The following PCDHGA1 variants were observed in gnomAD, a reference collection of about 807,000 sequenced individuals.
PCDHGA1 encodes the protein protocadherin gamma-A1.
In PCDHGA1, 32 loss-of-function variants were observed where a neutral mutation model predicts 58.0. The ratio of observed to expected loss-of-function variants is 0.55; its 90% CI spans 0.42 to 0.74. The LOEUF is 0.74. Among genes scored for constraint, PCDHGA1 ranks in the 30% least tolerant of loss-of-function variants. PCDHGA1 has a pLI of 0.00. For missense variants in PCDHGA1, 1,205 were observed against 1,182.3 expected, an observed-to-expected ratio of 1.02 and a Z score of -0.28; for synonymous variants, 498 against 501.1, an observed-to-expected ratio of 0.99 and a Z score of 0.08.
intron 1 of PCDHGA1, among the ~76,000 whole-genome samples, chr5:141,369,759 G>A (rs6873480): frequency 0.13 from 19,861 of 152,140 alleles, 1,700 homozygotes; most frequent in African/African-American, 0.25. Flanking sequence ...AAGAATACAC[G>A]TGAAGCTGAT....
rs143025976 is a variant in PCDHGA1 at position 141,348,506 on chromosome 5, G to A, written c.2421+15401G>A. On this transcript the variant is annotated intron_variant, in intron 1 of 3. Coordinates refer to ENST00000517417, the MANE Select transcript of PCDHGA1 (RefSeq NM_018912.3). ...TAAGGAGAAAAAAAATTAATTAGCT[G>A]TGTCAGGGGAAATTTGGATGCTCAA... is the stretch of plus-strand genomic sequence containing the variant. 5.9e-5 allele frequency among the ~76,000 whole-genome samples: 9 copies of A among 152,260 alleles called. No individual in the cohort carries two copies. The East Asian group carries it at 1.5e-3, about 26-fold the overall frequency.
intron 1 of PCDHGA1, chr5:141,413,978 T>C (rs2095697435): frequency 1.2e-6 from 2 of 1,613,414 alleles, no homozygotes; most frequent in Non-Finnish European, 8.5e-7. Flanking sequence ...CTGCTGACAG[T>C]CACAGCCACC....
In PCDHGA1 at chr5:141,405,177, G is replaced by C. The variant is rs370032217; in HGVS notation, c.2421+72072G>C. On this transcript the variant is annotated intron_variant, in intron 1 of 3. Coordinates refer to ENST00000517417, the MANE Select transcript of PCDHGA1 (RefSeq NM_018912.3). Reference sequence around the variant, plus strand: ...GGTGTGCCCACCTCACACTTTGTGGGTGTAGATGGGGTTCGAGCTTTCCTA... The same window carrying C: ...GGTGTGCCCACCTCACACTTTGTGGCTGTAGATGGGGTTCGAGCTTTCCTA... 1.6e-5 allele frequency: 26 copies of C among 1,614,140 alleles called. No homozygotes were observed. The highest frequency in any genetic ancestry group is 2.0e-5 in the Non-Finnish European group (24 of 1,180,024).
In PCDHGA1 at chr5:141,331,974, A is replaced by T. The variant is rs1756383654; in HGVS notation, c.1290A>T (p.Pro430=). 1 of 1,614,170 alleles carries T rather than the reference A, an allele frequency of 6.2e-7. No homozygotes were observed. Among genetic ancestry groups the T allele is most frequent in the Non-Finnish European group, 8.5e-7 (1 of 1,180,010 alleles). The change falls in exon 1 of 4, where the codon CCA becomes CCT. Residue 430 remains proline, a synonymous_variant. Transcript: ENST00000517417. ...TAACAGCAATAGACCAAGGAACTCC[A>T]GCTCTATCTACTGAAACTCACATTT... ...ITITAIDQGT[P]ALSTETHISL...
intron 1 of PCDHGA1, among the ~76,000 whole-genome samples, chr5:141,492,118 TC>T (rs1338861093): frequency 6.6e-6 from 1 of 152,176 alleles, no homozygotes; most frequent in Non-Finnish European, 1.5e-5. Flanking sequence ...CTTCGATTTC[TC>T]CCCAGCTCCC....
chr5:141,341,463 T>C (rs1379322450), intron 1 of PCDHGA1: 1 of 1,600,314 alleles, frequency 6.2e-7, no homozygotes, highest in Non-Finnish European at 8.5e-7. Context: ...TTGTTTACTA[T>C]ATCTATTTTG....
chr5:141,402,897 C>T (rs1177256058), intron 1 of PCDHGA1: 6 of 1,508,528 alleles, frequency 4.0e-6, no homozygotes, highest in Admixed American at 4.7e-5. Flanking sequence ...AAGAAAGAAC[C>T]TGATGAAGCA....
intron 1 of PCDHGA1, chr5:141,385,207 T>G: frequency 6.2e-7 from 1 of 1,614,226 alleles, no homozygotes; most frequent in Non-Finnish European, 8.5e-7. Flanking sequence ...TCACCTGATC[T>G]TCCCCCAGCC....
At chr5:141,351,040 G>C in intron 1 of PCDHGA1, 1 of 1,614,076 alleles carries the variant, frequency 6.2e-7, no homozygotes, top group Admixed American at 1.7e-5. Flanking sequence ...CCGTGCTGCG[G>C]GTGATGGCCA....
At chr5:141,353,031 T>C (rs978838558) in intron 1 of PCDHGA1, among the ~76,000 whole-genome samples, 31 of 152,172 alleles carry the variant, frequency 2.0e-4, no homozygotes, top group Non-Finnish European at 4.0e-4. Context: ...TTCTTCTCAT[T>C]GGTGTATAAG....
Position 141,339,706 on chromosome 5 carries a change from C to T in PCDHGA1, c.2421+6601C>T, listed in dbSNP as rs774870637. ...ACAATGCGCCTGTTTTTACACAGCC[C>T]GAGTACCGCATAAGCATTCCGGAGA... On this transcript the variant is annotated intron_variant, in intron 1 of 3. Coordinates refer to ENST00000517417, the MANE Select transcript of PCDHGA1 (RefSeq NM_018912.3). The T allele has an allele frequency of 2.7e-5, 44 of 1,614,032 alleles. No individual in the cohort carries two copies. The South Asian group carries it at 4.1e-4, about 15-fold the overall frequency.
chr5:141,452,641 CT>C (rs1351640847), intron 1 of PCDHGA1, among the ~76,000 whole-genome samples: 3 of 151,934 alleles, frequency 2.0e-5, no homozygotes, highest in Admixed American at 1.3e-4. Flanking sequence ...AATATATTTA[CT>C]CATTTGCTCC....
Position 141,365,610 on chromosome 5 carries a change from A to G in PCDHGA1, c.2421+32505A>G, listed in dbSNP as rs1764018673. 6.8e-6 allele frequency: 11 copies of G among 1,613,570 alleles called. No homozygotes were observed. Among genetic ancestry groups the G allele is most frequent in the African/African-American group, 1.3e-5 (1 of 74,926 alleles). ...AATATCACTTTAACCGTCATGGACC[A>G]TGGAACCCCGCCCCTCTCTACAGAA... On this transcript the variant is annotated intron_variant, in intron 1 of 3. Transcript: ENST00000517417.
intron 1 of PCDHGA1, chr5:141,383,281 G>C: frequency 6.2e-7 from 1 of 1,613,922 alleles, no homozygotes; most frequent in Non-Finnish European, 8.5e-7. Context: ...AGATATTAAT[G>C]ACAACGTTCC....
At position 141,371,726 on chromosome 5, in the gene PCDHGA1, T is replaced by A. The variant is rs769173416; in HGVS notation, c.2421+38621T>A. The A allele has an allele frequency of 9.9e-6, 16 of 1,613,932 alleles. 2 individuals carry two copies. In the South Asian group the frequency reaches 1.3e-4, roughly 13 times the overall value. The stretch of plus-strand genomic sequence containing the variant: ...AGACCATCACTCTGCACATCCTTGA[T>A]GTCAACGACAACGTTCCCGTTTTCC... On this transcript the variant is annotated intron_variant, in intron 1 of 3. Coordinates refer to ENST00000517417, the MANE Select transcript of PCDHGA1 (RefSeq NM_018912.3).
At chr5:141,447,313 T>C (rs2098534296) in intron 1 of PCDHGA1, among the ~76,000 whole-genome samples, 1 of 152,146 alleles carries the variant, frequency 6.6e-6, no homozygotes, top group African/African-American at 2.4e-5. Context: ...CTAATTTTTG[T>C]ATTTTTAGTA....
intron 1 of PCDHGA1, chr5:141,393,020 A>G: frequency 2.5e-6 from 4 of 1,613,760 alleles, no homozygotes; most frequent in Non-Finnish European, 3.4e-6. Flanking sequence ...TCGTCTCCAG[A>G]GGTAGGACGC....
intron 3 of PCDHGA1, among the ~76,000 whole-genome samples, chr5:141,507,817 G>C (rs1038461861): frequency 3.3e-5 from 5 of 152,206 alleles, no homozygotes; most frequent in Non-Finnish European, 5.9e-5. Context: ...AACGGACCCT[G>C]GGGGTGGAGG....
Position 141,512,554 on chromosome 5 carries a change from T to TAG in PCDHGA1, c.*1383_*1384dup, listed in dbSNP as rs2099884300. ...AAGTTCCCCAGTGCCTCCTTGTGCA[T>TAG]AGACCTTCTTCTCCCACCCCCTTCT... is the stretch of plus-strand genomic sequence containing the variant. On this transcript the variant is annotated 3_prime_UTR_variant, in exon 4 of 4. Coordinates refer to ENST00000517417, the MANE Select transcript of PCDHGA1 (RefSeq NM_018912.3). 6.5e-6 allele frequency: 1 copy of TAG among 153,012 alleles called. No homozygotes were observed. Among genetic ancestry groups the TAG allele is most frequent in the Non-Finnish European group, 1.5e-5 (1 of 68,482 alleles). 9.5% of individuals were successfully genotyped at this position (153,012 alleles called of 1,614,324 possible).
Sources: gnomAD v4.1 joint callset for allele counts (sites outside exome capture counted in the v4.1 genomes callset) on GRCh38, gnomAD v4.1.1 for gene constraint, MANE v1.5 for transcripts, NCBI Gene and HGNC (gene_info 2026-07-23, HGNC 2026-07-21) for gene names.